Variants in STK3 observed in about 807,000 individuals in gnomAD.
The protein encoded by STK3 is serine/threonine kinase 3.
A neutral mutation model predicts 58.0 loss-of-function variants in STK3; 41 were observed. The ratio of observed to expected loss-of-function variants is 0.71; its 90% CI spans 0.55 to 0.92. The LOEUF (loss-of-function observed/expected upper bound fraction) is 0.92, where lower values mean the gene tolerates loss of function less well. STK3 is among the 40% of genes least tolerant of loss of function. STK3 has a pLI of 0.00. For synonymous variants in STK3, 170 were observed against 191.0 expected (o/e 0.89, Z 0.91); for missense variants, 479 against 602.7 (o/e 0.79, Z 2.15).
In STK3 at chr8:98,738,244, G is replaced by A. The variant is rs137944939; in HGVS notation, c.351+11032C>T. Among the ~76,000 whole-genome samples, 1,145 of 152,046 alleles carry A rather than the reference G, an allele frequency of 7.5e-3. 21 individuals carry two copies. The highest frequency in any genetic ancestry group is 9.9e-3 in the Non-Finnish European group (673 of 67,964). On this transcript the variant is annotated intron_variant, in intron 4 of 10. Coordinates refer to ENST00000419617, the MANE Select transcript of STK3 (RefSeq NM_006281.4). ...TCTAATCTCAACACTTTAGATGACC[G>A]GGTGGATCACCCCACGTCAGGAGTT...
intron 3 of STK3, among the ~76,000 whole-genome samples, chr8:98,862,705 G>C (rs1294108971): frequency 6.6e-6 from 1 of 152,214 alleles, no homozygotes; most frequent in Non-Finnish European, 1.5e-5. Flanking sequence ...TTGAAGAACT[G>C]AGAAGGCAGA....
chr8:98,431,557 C>A (rs892912948), intron 3 of STK3: 2 of 167,052 alleles, frequency 1.2e-5, no homozygotes, highest in African/African-American at 4.8e-5. Flanking sequence ...GATCAGTTTG[C>A]CAAGGCTGAT....
At chr8:98,405,753 G>A (rs1459462043) in intron 3 of STK3, among the ~76,000 whole-genome samples, 2 of 152,194 alleles carry the variant, frequency 1.3e-5, no homozygotes, top group Non-Finnish European at 2.9e-5. Context: ...TCACAATCAT[G>A]GCAGAAGGCA....
rs191621691 is a variant in STK3, at chr8:98,669,677, G to T, written c.684+36790C>A. ...CCCAAAAAAAATCAATGAACACCCG[G>T]AATACAGGGTCTTCAACAGAATCAA... On this transcript the variant is annotated intron_variant, in intron 6 of 10. Transcript: ENST00000419617. 3.5e-3 allele frequency among the ~76,000 whole-genome samples: 529 copies of T among 152,284 alleles called. 3 individuals carry two copies. The highest frequency in any genetic ancestry group is 0.011 in the African/African-American group (477 of 41,568).
chr8:98,729,052 A>C (rs1332291214), intron 4 of STK3, among the ~76,000 whole-genome samples: 1 of 152,188 alleles, frequency 6.6e-6, no homozygotes, highest in Non-Finnish European at 1.5e-5. Context: ...AAAATATGCT[A>C]GTATATTTTG....
chr8:98,636,927 T>C (rs766876076), intron 6 of STK3, among the ~76,000 whole-genome samples: 24 of 152,120 alleles, frequency 1.6e-4, no homozygotes, highest in Non-Finnish European at 2.8e-4. Context: ...ATATTGGTCA[T>C]GATAAAGGTA....
upstream of STK3, among the ~76,000 whole-genome samples, chr8:98,828,437 C>CAAAAA (rs367737626): frequency 6.8e-3 from 331 of 48,572 alleles, no homozygotes; most frequent in Non-Finnish European, 7.8e-3. Context: ...CCCATCTCTA[C>CAAAAA]AAAAAAAAAA....
At chr8:98,703,289 C>T (rs971491707) in intron 6 of STK3, among the ~76,000 whole-genome samples, 2 of 152,242 alleles carry the variant, frequency 1.3e-5, no homozygotes, top group Admixed American at 6.5e-5. Flanking sequence ...GTTCATATCT[C>T]AGTTCTGCCA....
chr8:98,492,233 G>C (rs1052459259), intron 10 of STK3, among the ~76,000 whole-genome samples: 2 of 152,206 alleles, frequency 1.3e-5, no homozygotes, highest in African/African-American at 4.8e-5. Context: ...GGGAGTTGCA[G>C]AGAACAATGA....
chr8:98,501,559 T>G (rs1346813186), intron 10 of STK3, among the ~76,000 whole-genome samples: 2 of 152,234 alleles, frequency 1.3e-5, no homozygotes, highest in East Asian at 3.8e-4. Flanking sequence ...AAGTCTTTAA[T>G]CCATCTTGAA....
At chr8:98,849,837 C>G (rs1836374958) in intron 3 of STK3, among the ~76,000 whole-genome samples, 1 of 152,092 alleles carries the variant, frequency 6.6e-6, no homozygotes, top group Non-Finnish European at 1.5e-5. Flanking sequence ...ATAGGGTGGT[C>G]AGCCTGGGTT....
intron 1 of STK3, among the ~76,000 whole-genome samples, chr8:98,938,415 G>T (rs1016878158): frequency 3.9e-5 from 6 of 152,208 alleles, no homozygotes; most frequent in African/African-American, 1.4e-4. Flanking sequence ...GTGTCATTCA[G>T]ATTTTTAGTT....
intron 1 of STK3, among the ~76,000 whole-genome samples, chr8:98,825,015 G>C (rs573509088): frequency 1.6e-4 from 24 of 152,264 alleles, no homozygotes; most frequent in African/African-American, 5.5e-4. Flanking sequence ...AGGTGTCAAA[G>C]ATTAAATATA....
chr8:98,780,882 G>A (rs969757550), intron 1 of STK3, among the ~76,000 whole-genome samples: 1 of 152,070 alleles, frequency 6.6e-6, no homozygotes, highest in African/African-American at 2.4e-5. Context: ...ACATATCAAG[G>A]AAACACCAAT....
intron 1 of STK3, among the ~76,000 whole-genome samples, chr8:98,937,648 G>T (rs1264397827): frequency 6.6e-6 from 1 of 152,198 alleles, no homozygotes; most frequent in Non-Finnish European, 1.5e-5. Flanking sequence ...GTACATAGTA[G>T]ACACTCAAGA....
chr8:98,848,154 T>C (rs976566376), intron 3 of STK3, among the ~76,000 whole-genome samples: 2 of 152,182 alleles, frequency 1.3e-5, no homozygotes, highest in Admixed American at 1.3e-4. Context: ...CCATAATCCA[T>C]TTTAGAACAT....
intron 4 of STK3, among the ~76,000 whole-genome samples, chr8:98,725,342 T>C (rs1414997875): frequency 1.3e-5 from 2 of 152,140 alleles, no homozygotes; most frequent in East Asian, 1.9e-4. Flanking sequence ...AATTGAAGGG[T>C]AGATGTGAAG....
At chr8:98,443,568 C>T (rs1253337049) in intron 1 of STK3, among the ~76,000 whole-genome samples, 2 of 152,200 alleles carry the variant, frequency 1.3e-5, no homozygotes, top group Non-Finnish European at 2.9e-5. Flanking sequence ...TAACCATAGG[C>T]TGGGCATGGT....
At chr8:98,521,139 T>C (rs1208607423) in intron 10 of STK3, among the ~76,000 whole-genome samples, 2 of 152,162 alleles carry the variant, frequency 1.3e-5, no homozygotes, top group Non-Finnish European at 1.5e-5. Context: ...AGTTGACAGG[T>C]GTAATAAATG....
Sources: allele counts gnomAD v4.1 joint callset (sites outside exome capture counted in the v4.1 genomes callset), GRCh38; gene constraint gnomAD v4.1.1; transcripts MANE v1.5; gene names NCBI Gene and HGNC (gene_info 2026-07-23, HGNC 2026-07-21).